Variants in USP54 observed in about 807,000 individuals in gnomAD.
USP54 encodes the protein ubiquitin carboxyl-terminal hydrolase 54.
USP54 carries 87 observed loss-of-function variants against 170.5 expected under a neutral mutation model. The ratio of observed to expected loss-of-function variants is 0.51; its 90% CI spans 0.43 to 0.61. USP54 has a LOEUF of 0.61. Among genes scored for constraint, USP54 ranks in the 20% least tolerant of loss-of-function variants. USP54 has a pLI of 0.00. For missense variants in USP54, 1,786 were observed against 2,047.8 expected, an observed-to-expected ratio of 0.87 and a Z score of 2.47; for synonymous variants, 655 against 742.8, an observed-to-expected ratio of 0.88 and a Z score of 1.92.
At chr10:73,592,462 A>G (rs894558020), upstream of USP54, among the ~76,000 whole-genome samples, 5 of 149,890 alleles carry the variant, frequency 3.3e-5, no homozygotes, top group African/African-American at 9.9e-5. Context: ...GGCCACAAGG[A>G]AAGTGCCACA....
intron 15 of USP54, among the ~76,000 whole-genome samples, chr10:73,528,141 G>C (rs1462462260): frequency 6.6e-6 from 1 of 151,968 alleles, no homozygotes; most frequent in Non-Finnish European, 1.5e-5. Context: ...TCACCATGTT[G>C]GCCAAGATGT....
intron 1 of USP54, among the ~76,000 whole-genome samples, chr10:73,583,199 T>C (rs374888389): frequency 6.6e-6 from 1 of 152,148 alleles, no homozygotes; most frequent in Non-Finnish European, 1.5e-5. Context: ...ACACCTAAAA[T>C]GCAATGTGAG....
rs748950362 is a variant in USP54 at position 73,499,132 on chromosome 10, G to A, written c.4552C>T (p.Gln1518Ter). The A allele has an allele frequency of 6.2e-7, 1 of 1,613,916 alleles. No homozygotes were observed. Among genetic ancestry groups the A allele is most frequent in the Non-Finnish European group, 8.5e-7 (1 of 1,179,902 alleles). Residue 1518 changes from glutamine (Q) to a stop codon, truncating the protein, a stop_gained, in exon 24 of 24, where the codon CAA (glutamine) becomes TAA (stop). Transcript: ENST00000687698. LOFTEE classifies it high-confidence loss of function. Reference protein sequence around the residue: ...LAMCDRGETSQGAKYTGRTLN... With the variant: ...LAMCDRGETS The stretch of plus-strand genomic sequence containing the variant: ...GTCCTTCCTGTGTACTTGGCCCCTT[G>A]GGAAGTTTCACCCCTGTCACACATA...
chr10:73,532,198 A>C (rs1047734309), intron 12 of USP54, among the ~76,000 whole-genome samples: 1 of 150,750 alleles, frequency 6.6e-6, no homozygotes, highest in African/African-American at 2.4e-5. Flanking sequence ...TTTGAGACGG[A>C]GTCTCGCTCT....
rs766358756 is a variant in USP54 at position 73,523,637 on chromosome 10, C to T, written c.2308G>A (p.Gly770Arg). 1.2e-6 allele frequency: 2 copies of T among 1,613,620 alleles called. No homozygotes were observed. The highest frequency in any genetic ancestry group is 1.7e-6 in the Non-Finnish European group (2 of 1,179,640). ...KREKELEAAK[G>R]FNPHPSRFMD... ...AAGCGGCTAGGATGAGGGTTAAACCCTTTCGCTGCCTCTAACTCCTTCTCC... is the reference window on the plus strand; with the variant it reads ...AAGCGGCTAGGATGAGGGTTAAACCTTTTCGCTGCCTCTAACTCCTTCTCC... The change falls in exon 17 of 24, where the codon GGG becomes AGG. Residue 770 changes from glycine (G) to arginine (R), a missense_variant. This residue lies in a region of USP54 where 1,418 missense variants were observed against 1,569.0 expected (regional missense o/e 0.90). Coordinates refer to ENST00000687698, the MANE Select transcript of USP54 (RefSeq NM_001391956.1).
intron 1 of USP54, among the ~76,000 whole-genome samples, chr10:73,607,424 T>C (rs1430441327): frequency 2.0e-5 from 3 of 152,082 alleles, no homozygotes; most frequent in African/African-American, 4.8e-5. Context: ...TAAAAGTCTT[T>C]AATTATTTGT....
intron 4 of USP54, among the ~76,000 whole-genome samples, chr10:73,569,662 G>A (rs936767906): frequency 6.7e-6 from 1 of 149,606 alleles, no homozygotes; most frequent in Non-Finnish European, 1.5e-5. Context: ...TTGAGGAGAA[G>A]AATTGCTTGA....
chr10:73,584,576 A>G (rs940860697), intron 1 of USP54, among the ~76,000 whole-genome samples: 1 of 152,200 alleles, frequency 6.6e-6, no homozygotes, highest in Non-Finnish European at 1.5e-5. Flanking sequence ...AAACTCAGCA[A>G]CATCGGGGTA....
At chr10:73,540,513 T>C (rs2066379789) in intron 9 of USP54, among the ~76,000 whole-genome samples, 1 of 151,788 alleles carries the variant, frequency 6.6e-6, no homozygotes, top group Non-Finnish European at 1.5e-5. Flanking sequence ...GAGCTTGCAG[T>C]GAAGGGAGAT....
At chr10:73,583,626 G>A (rs2077142176) in intron 1 of USP54, among the ~76,000 whole-genome samples, 1 of 152,136 alleles carries the variant, frequency 6.6e-6, no homozygotes, top group South Asian at 2.1e-4. Flanking sequence ...ATGCTTGCCT[G>A]TAGTCCCAGC....
At position 73,539,303 on chromosome 10, in the gene USP54, A is replaced by AT. The variant is rs1418306086; in HGVS notation, c.975+140_975+141insA. ...CAAAAAAAAAAAAAATTAAAAAAAA[A>AT]AAAAATATATATATATATATGTTTT... On this transcript the variant is annotated intron_variant, in intron 10 of 23. Coordinates refer to ENST00000687698, the MANE Select transcript of USP54 (RefSeq NM_001391956.1). 3.6e-5 allele frequency: 12 copies of AT among 331,924 alleles called. No individual in the cohort carries two copies. In the South Asian group the frequency reaches 6.4e-4, roughly 18 times the overall value. 20.6% of individuals were successfully genotyped at this position (331,924 alleles called of 1,614,324 possible).
At chr10:73,589,624 T>C (rs2077982256) in intron 1 of USP54, among the ~76,000 whole-genome samples, 1 of 152,176 alleles carries the variant, frequency 6.6e-6, no homozygotes, top group South Asian at 2.1e-4. Context: ...CTCAAATTAT[T>C]TCAGTACAAA....
chr10:73,580,010 C>T (rs964178536), intron 1 of USP54, among the ~76,000 whole-genome samples: 12 of 152,076 alleles, frequency 7.9e-5, no homozygotes, highest in Non-Finnish European at 1.8e-4. Context: ...GCAACTGGAA[C>T]TCTCCTACAT....
At chr10:73,514,663 CAACCAGT>C (rs2060771026) in intron 20 of USP54, among the ~76,000 whole-genome samples, 1 of 152,122 alleles carries the variant, frequency 6.6e-6, no homozygotes, top group Admixed American at 6.5e-5. Flanking sequence ...CTTCCCATAT[CAACCAGT>C]CCTATCAAAG....
intron 22 of USP54, chr10:73,504,630 G>C (rs78464723): frequency 6.6e-6 from 4 of 606,118 alleles, no homozygotes; most frequent in Non-Finnish European, 1.1e-5. Context: ...CCTACAACAC[G>C]CACGGCCTTT....
At chr10:73,542,984 G>A (rs367621028) in intron 6 of USP54, 34 bp downstream of exon 6, 1 of 1,609,052 alleles carries the variant, frequency 6.2e-7, no homozygotes, top group Non-Finnish European at 8.5e-7. Flanking sequence ...TGTTCTGGAA[G>A]AAATGTCTAA....
In USP54 at chr10:73,497,986, C is replaced by A. The variant is rs2057354453; in HGVS notation, c.*643G>T. The A allele has an allele frequency of 6.6e-6, 1 of 152,344 alleles. No individual in the cohort carries two copies. The highest frequency in any genetic ancestry group is 2.4e-5 in the African/African-American group (1 of 41,450). The allele number at this position is 152,344 out of a possible 1,614,324, so 9.4% of individuals were successfully genotyped here. ...CTCAGGTGGAGGTGGGGACATAAAGCATCCAGGAATAAAATGTGACCTTAA... is the reference window on the plus strand; with the variant it reads ...CTCAGGTGGAGGTGGGGACATAAAGAATCCAGGAATAAAATGTGACCTTAA... On this transcript the variant is annotated 3_prime_UTR_variant, in exon 24 of 24. Coordinates refer to ENST00000687698, the MANE Select transcript of USP54 (RefSeq NM_001391956.1).
chr10:73,552,394 T>C (rs1379214331), intron 4 of USP54, among the ~76,000 whole-genome samples: 9 of 141,388 alleles, frequency 6.4e-5, no homozygotes, highest in East Asian at 4.3e-4. Context: ...GCCTGGGTGA[T>C]AGAGTGAGGC....
chr10:73,621,226 A>T (rs2081060709), intron 1 of USP54, among the ~76,000 whole-genome samples: 1 of 150,076 alleles, frequency 6.7e-6, no homozygotes, highest in Admixed American at 6.6e-5. Flanking sequence ...TGGACTTTGG[A>T]ATATAGAGTG....
Sources: gnomAD v4.1 joint callset for allele counts (sites outside exome capture counted in the v4.1 genomes callset) on GRCh38, gnomAD v4.1.1 for gene constraint, gnomAD v4.1.1 regional missense constraint, MANE v1.5 for transcripts, NCBI Gene and HGNC (gene_info 2026-07-23, HGNC 2026-07-21) for gene names.